The following CCDC88B variants were observed in gnomAD, a reference collection of about 807,000 sequenced individuals.
CCDC88B encodes the protein coiled-coil domain-containing protein 88B.
In CCDC88B, 138 loss-of-function variants were observed where a neutral mutation model predicts 183.7. The ratio of observed to expected loss-of-function variants is 0.75; its 90% CI spans 0.65 to 0.87. CCDC88B has a LOEUF of 0.87. CCDC88B is among the 40% of genes least tolerant of loss of function. The probability of loss-of-function intolerance (pLI) is 0.00; values close to 1 mark genes in which losing one functional copy is unlikely to be tolerated. For missense variants in CCDC88B, 1,822 were observed against 1,965.6 expected (o/e 0.93, Z 1.38); for synonymous variants, 835 against 867.5 (o/e 0.96, Z 0.66).
At chr11:64,342,726 G>T in intron 10 of CCDC88B, 46 bp downstream of exon 10, 1 of 1,442,712 alleles carries the variant, frequency 6.9e-7, no homozygotes, top group Non-Finnish European at 9.0e-7. Context: ...GCGAGGGGGC[G>T]GGCCAGGAGG....
In CCDC88B at chr11:64,340,759, G is replaced by C. The variant is rs1421712593; in HGVS notation, c.206+7G>C. On this transcript the variant is annotated splice_region_variant and intron_variant, in intron 2 of 26. Transcript: ENST00000356786. ...TCCGGGTGCTGGGCATCATGTAAGG[G>C]GCATCGGGCCGGGGCGGTGGCGGGG... 2.5e-6 allele frequency: 4 copies of C among 1,604,818 alleles called. No individual in the cohort carries two copies. Among genetic ancestry groups the C allele is most frequent in the Non-Finnish European group, 3.4e-6 (4 of 1,176,012 alleles).
In CCDC88B at chr11:64,344,915, C is replaced by A; in HGVS notation, c.2374C>A (p.Arg792=). The change falls in exon 14 of 27, where the codon CGG becomes AGG. Residue 792 remains arginine (R), a synonymous_variant. Coordinates refer to ENST00000356786, the MANE Select transcript of CCDC88B (RefSeq NM_032251.6). This position sits in a 1 kb window ranked among gnomAD's most constrained non-coding sequence, Gnocchi z 4.5. ...EAEAQAWEQA[R]LREAVEAAGQ... ...AGAGGCCCAGGCCTGGGAGCAAGCC[C>A]GGCTGCGGGAGGCAGTGGAGGCTGC... The A allele has an allele frequency of 6.3e-7, 1 of 1,574,994 alleles. No homozygotes were observed. Among genetic ancestry groups the A allele is most frequent in the Middle Eastern group, 1.9e-4 (1 of 5,156 alleles).
intron 10 of CCDC88B, 181 bp downstream of exon 10, chr11:64,342,861 G>A: frequency 1.9e-6 from 1 of 527,588 alleles, no homozygotes; most frequent in Non-Finnish European, 3.0e-6. Context: ...AGAGGATGGG[G>A]CAGGTGTAGG....
At chr11:64,340,803 G>C in intron 2 of CCDC88B, 51 bp downstream of exon 2, 3 of 1,560,788 alleles carry the variant, frequency 1.9e-6, no homozygotes, top group Non-Finnish European at 2.6e-6. Flanking sequence ...GAGAGGAGGG[G>C]AAGCGGGTGG....
chr11:64,356,654 G>A (rs1010389360), intron 26 of CCDC88B: 11 of 289,266 alleles, frequency 3.8e-5, no homozygotes, highest in Admixed American at 9.2e-5. Context: ...ACTTAGCTCC[G>A]CCCTGGGCAG....
chr11:64,357,107 A>G lies in CCDC88B; in HGVS notation c.*13A>G. On this transcript the variant is annotated 3_prime_UTR_variant, in exon 27 of 27. Coordinates refer to ENST00000356786, the MANE Select transcript of CCDC88B (RefSeq NM_032251.6). ...CCTCAGCCAGTGACACCGTGGGAAC[A>G]GCAGGCTTGGGAGTGCAGCCTTCTC... 1 of 1,613,780 alleles carries G rather than the reference A, an allele frequency of 6.2e-7. No individual in the cohort carries two copies. Among genetic ancestry groups the G allele is most frequent in the Non-Finnish European group, 8.5e-7 (1 of 1,179,876 alleles).
chr11:64,340,557 G>T, intron 1 of CCDC88B, 50 bp from the exon 2 acceptor site: 1 of 1,577,634 alleles, frequency 6.3e-7, no homozygotes, highest in Non-Finnish European at 8.6e-7. Context: ...AGGTCGGAGG[G>T]GCTCAGGGTT....
rs1283587679 is a variant in CCDC88B, at chr11:64,344,654, G to T, written c.2113G>T (p.Ala705Ser). The T allele has an allele frequency of 6.2e-7, 1 of 1,614,012 alleles. No homozygotes were observed. Among genetic ancestry groups the T allele is most frequent in the Non-Finnish European group, 8.5e-7 (1 of 1,179,966 alleles). Residue 705 changes from alanine to serine, a missense_variant, in exon 14 of 27, where the codon GCT (alanine) becomes TCT (serine). Physicochemically the swap from Ala to Ser is moderately conservative, Grantham distance 99 (BLOSUM62 1). Coordinates refer to ENST00000356786, the MANE Select transcript of CCDC88B (RefSeq NM_032251.6). This position sits in a 1 kb window ranked among gnomAD's most constrained non-coding sequence, Gnocchi z 4.5. ...WQKPQQKSEGALEVQVWEGPI... is the reference protein window; with the variant it reads ...WQKPQQKSEGSLEVQVWEGPI... ...AAAACCACAGCAGAAGTCAGAAGGG[G>T]CTCTTGAGGTCCAGGTCTGGGAAGG...
chr11:64,353,392 G>A lies in CCDC88B; in HGVS notation c.3729G>A (p.Arg1243=). 2 of 1,613,556 alleles carry A rather than the reference G, an allele frequency of 1.2e-6. No individual in the cohort carries two copies. Among genetic ancestry groups the A allele is most frequent in the Non-Finnish European group, 8.5e-7 (1 of 1,179,976 alleles). The change falls in exon 22 of 27, where the codon CGG becomes CGA. Residue 1243 remains arginine (R), a synonymous_variant. Transcript: ENST00000356786. ...GAAGTGCCCAGGAAGAGGAGAACCG[G>A]CAGCTGCTGGCTGAAGTTCAGGCCC... is the stretch of plus-strand genomic sequence containing the variant. ...QLRSAQEEEN[R]QLLAEVQALS...
In CCDC88B at chr11:64,343,209, G is replaced by T. The variant is rs1467192343; in HGVS notation, c.1093G>T (p.Ala365Ser). The change falls in exon 11 of 27, where the codon GCG becomes TCG. Residue 365 changes from alanine (A) to serine (S), a missense_variant. Transcript: ENST00000356786. ...EERVLSGVLE[A>S]SKALLEEQLE... is the part of the protein sequence containing the mutation. Reference sequence around the variant, plus strand: ...GCGGGTGCTCTCGGGGGTGCTGGAGGCGTCCAAGGCGCTGCTGGAAGAGCA... The same window carrying T: ...GCGGGTGCTCTCGGGGGTGCTGGAGTCGTCCAAGGCGCTGCTGGAAGAGCA... The T allele has an allele frequency of 1.3e-6, 2 of 1,542,342 alleles. No individual in the cohort carries two copies. Among genetic ancestry groups the T allele is most frequent in the East Asian group, 2.5e-5 (1 of 40,812 alleles).
chr11:64,354,691 G>GCC (rs370604268), intron 24 of CCDC88B, among the ~76,000 whole-genome samples: 2,072 of 14,280 alleles, frequency 0.15, 202 homozygotes, highest in African/African-American at 0.26. Context: ...ATGAGCCTCC[G>GCC]CCCCCCCCCT....
chr11:64,345,209 G>C (rs1176047275), intron 14 of CCDC88B, 52 bp downstream of exon 14: 1 of 1,517,966 alleles, frequency 6.6e-7, no homozygotes. Context: ...GTTCCAGGCT[G>C]TTGGGAGTTA....
intron 14 of CCDC88B, 167 bp from the exon 15 acceptor site, chr11:64,349,164 C>T (rs780414196): frequency 3.2e-4 from 270 of 844,942 alleles, no homozygotes; most frequent in Non-Finnish European, 4.5e-4. Flanking sequence ...TTCAAGGGCC[C>T]CAGGCTTTGC....
At chr11:64,340,541 T>G in intron 1 of CCDC88B, 66 bp from the exon 2 acceptor site, 2 of 1,554,960 alleles carry the variant, frequency 1.3e-6, no homozygotes, top group Non-Finnish European at 1.7e-6. Flanking sequence ...TTGGGCTCAC[T>G]GGGGCAGGTC....
rs143386417 is a variant in CCDC88B at position 64,344,922 on chromosome 11, G to A, written c.2381G>A (p.Arg794Gln). The change falls in exon 14 of 27, where the codon CGG becomes CAG. Residue 794 changes from arginine (R) to glutamine (Q), a missense_variant. Physicochemically the swap from Arg to Gln is conservative, Grantham distance 43. Transcript: ENST00000356786. The surrounding 1 kb of genome is among the most constrained non-coding windows in gnomAD (Gnocchi z 4.5). The part of the protein sequence containing the change: ...EAQAWEQARL[R>Q]EAVEAAGQEL... ...CAGGCCTGGGAGCAAGCCCGGCTGC[G>A]GGAGGCAGTGGAGGCTGCTGGCCAG... is the stretch of plus-strand genomic sequence containing the variant. 20,637 of 1,568,418 alleles carry A rather than the reference G, an allele frequency of 0.013. 148 individuals carry two copies. The highest frequency in any genetic ancestry group is 0.015 in the Non-Finnish European group (17,359 of 1,157,042).
chr11:64,340,580 C>T (rs747762275), intron 1 of CCDC88B, 27 bp from the exon 2 acceptor site: 17 of 1,596,902 alleles, frequency 1.1e-5, no homozygotes, highest in Non-Finnish European at 1.3e-5. Context: ...CTCTGCTGGT[C>T]GGCTGACCCC....
At chr11:64,340,558 G>C in intron 1 of CCDC88B, 49 bp from the exon 2 acceptor site, 2 of 1,580,570 alleles carry the variant, frequency 1.3e-6, no homozygotes, top group Non-Finnish European at 1.7e-6. Flanking sequence ...GGTCGGAGGG[G>C]CTCAGGGTTC....
In CCDC88B at chr11:64,341,177, A is replaced by C. The variant is rs1484843821; in HGVS notation, c.387A>C (p.Ser129=). 1 of 1,613,800 alleles carries C rather than the reference A, an allele frequency of 6.2e-7. No individual in the cohort carries two copies. The highest frequency in any genetic ancestry group is 1.3e-5 in the African/African-American group (1 of 74,830). ...AGACATTGGGATTTGACCCTCTCTC[A>C]GGTGCTCTCCCCACCCACACCCTCC... The part of the protein sequence containing the change: ...DLQTLGFDPL[S]EEAVEQLEGV... Residue 129 remains serine (S), a splice_region_variant and synonymous_variant, in exon 4 of 27, where the codon TCA becomes TCC. Transcript: ENST00000356786.
rs35692796 is a variant in CCDC88B, at chr11:64,343,333, A to G, written c.1209+8A>G. ...CTGGGCGAGGCCCATGCGGTAAGGT[A>G]GCCAGAGTGATCCCACTTGGGTTGC... On this transcript the variant is annotated splice_region_variant and intron_variant, in intron 11 of 26. Coordinates refer to ENST00000356786, the MANE Select transcript of CCDC88B (RefSeq NM_032251.6). 227,290 of 1,549,606 alleles carry G rather than the reference A, an allele frequency of 0.15. 17,515 individuals are homozygous for G. The highest frequency in any genetic ancestry group is 0.17 in the Middle Eastern group (1,045 of 5,986).
Sources: gnomAD v4.1 joint callset for allele counts (sites outside exome capture counted in the v4.1 genomes callset) on GRCh38, gnomAD v4.1.1 for gene constraint, Gnocchi (gnomAD v3.1) non-coding constraint, MANE v1.5 for transcripts, NCBI Gene and HGNC (gene_info 2026-07-23, HGNC 2026-07-21) for gene names.